Variants in GTF2F2 observed in about 807,000 individuals in gnomAD.
The protein encoded by GTF2F2 is ATP-dependent helicase GTF2F2.
A neutral mutation model predicts 42.2 loss-of-function variants in GTF2F2; 23 were observed. The observed-to-expected ratio is 0.55, with a 90% confidence interval of 0.39 to 0.77. The LOEUF is 0.77. Ranked by LOEUF, GTF2F2 falls within the 30% of genes least tolerant of loss-of-function variation. The probability of loss-of-function intolerance (pLI) is 0.00; values close to 1 mark genes in which losing one functional copy is unlikely to be tolerated. For synonymous variants in GTF2F2, 105 were observed against 100.8 expected, an observed-to-expected ratio of 1.04 and a Z score of -0.25; for missense variants, 261 against 287.2, an observed-to-expected ratio of 0.91 and a Z score of 0.66.
chr13:45,131,692 G>A (rs983930256), intron 1 of GTF2F2, among the ~76,000 whole-genome samples: 1 of 152,030 alleles, frequency 6.6e-6, no homozygotes, highest in African/African-American at 2.4e-5. Context: ...GATCCCTTGA[G>A]TCCAGAAGTT....
chr13:45,124,673 T>C, intron 1 of GTF2F2, among the ~76,000 whole-genome samples: 1 of 152,170 alleles, frequency 6.6e-6, no homozygotes, highest in Middle Eastern at 3.2e-3. Context: ...CAAGCTATTC[T>C]CCTGCCTCAG....
intron 4 of GTF2F2, among the ~76,000 whole-genome samples, chr13:45,161,149 TTAGTG>T (rs1053710540): frequency 1.1e-4 from 17 of 152,156 alleles, no homozygotes; most frequent in African/African-American, 4.1e-4. Flanking sequence ...ACCTAGCACT[TTAGTG>T]TAGTAGCAAA....
intron 5 of GTF2F2, chr13:45,219,736 A>C (rs1874033400): frequency 6.6e-6 from 1 of 152,170 alleles, no homozygotes; most frequent in Non-Finnish European, 1.5e-5. Flanking sequence ...TGTTTTGAAG[A>C]TCTGCTAATC....
In GTF2F2 at chr13:45,135,801, T is replaced by TA. The variant is rs148895030; in HGVS notation, c.67-931dup. On this transcript the variant is annotated intron_variant, in intron 1 of 7. Coordinates refer to ENST00000340473, the MANE Select transcript of GTF2F2 (RefSeq NM_004128.3). ...TGAAAAAATAATGACACTTGACACT[T>TA]ACTGAGTAATTGCTTTGTGTAAGGT... Among the ~76,000 whole-genome samples, 208 of 152,338 alleles carry TA rather than the reference T, an allele frequency of 1.4e-3. 1 individual carries two copies. The highest frequency in any genetic ancestry group is 4.6e-3 in the African/African-American group (192 of 41,578).
intron 5 of GTF2F2, chr13:45,221,031 T>C (rs1874091044): frequency 6.6e-6 from 1 of 152,170 alleles, no homozygotes; most frequent in Admixed American, 6.6e-5. Context: ...TAGACCCCTC[T>C]AGACCTCTCT....
chr13:45,199,395 T>C (rs1233033784), intron 4 of GTF2F2, among the ~76,000 whole-genome samples: 3 of 152,258 alleles, frequency 2.0e-5, no homozygotes, highest in African/African-American at 7.2e-5. Flanking sequence ...AGAGGCAATC[T>C]TGACAATTTA....
At chr13:45,123,754 G>T (rs1868812938) in intron 1 of GTF2F2, among the ~76,000 whole-genome samples, 1 of 150,518 alleles carries the variant, frequency 6.6e-6, no homozygotes, top group African/African-American at 2.4e-5. Context: ...GACCTGTACT[G>T]TTCTGGCCTA....
At chr13:45,145,871 T>A (rs1432888742) in intron 2 of GTF2F2, among the ~76,000 whole-genome samples, 4 of 152,202 alleles carry the variant, frequency 2.6e-5, no homozygotes, top group Non-Finnish European at 5.9e-5. Context: ...ATTCCTGTTC[T>A]GAGGTTTCTC....
At chr13:45,229,612 G>A (rs1874565955) in intron 5 of GTF2F2, among the ~76,000 whole-genome samples, 1 of 151,930 alleles carries the variant, frequency 6.6e-6, no homozygotes, top group South Asian at 2.1e-4. Context: ...AATCCAGTGT[G>A]AAGAAAAAAG....
chr13:45,223,527 T>C (rs948207821), intron 5 of GTF2F2, among the ~76,000 whole-genome samples: 1 of 152,234 alleles, frequency 6.6e-6, no homozygotes, highest in Non-Finnish European at 1.5e-5. Flanking sequence ...GAATGCCATA[T>C]GGTGTTTTAT....
intron 3 of GTF2F2, among the ~76,000 whole-genome samples, chr13:45,151,219 A>G (rs1870475138): frequency 6.6e-6 from 1 of 152,106 alleles, no homozygotes. Flanking sequence ...GTAAGTGAGA[A>G]CATGTGGTAT....
rs145815817 is a variant in GTF2F2 at position 45,143,166 on chromosome 13, G to A, written c.140+6360G>A. ...GGCTGTTAAGAGAAGATGTAGGGCA[G>A]ACCAGGTAAACTGTACTCACAGATG... On this transcript the variant is annotated intron_variant, in intron 2 of 7. Coordinates refer to ENST00000340473, the MANE Select transcript of GTF2F2 (RefSeq NM_004128.3). 2.5e-3 allele frequency among the ~76,000 whole-genome samples: 375 copies of A among 152,294 alleles called. 2 individuals are homozygous for A. The highest frequency in any genetic ancestry group is 6.8e-3 in the Middle Eastern group (2 of 294).
intron 5 of GTF2F2, among the ~76,000 whole-genome samples, chr13:45,210,486 A>G (rs1191598962): frequency 6.6e-6 from 1 of 152,152 alleles, no homozygotes; most frequent in African/African-American, 2.4e-5. Context: ...CTGTACTTGT[A>G]TCTTCTTCAT....
chr13:45,246,190 T>C (rs1875600529), intron 5 of GTF2F2, among the ~76,000 whole-genome samples: 1 of 151,514 alleles, frequency 6.6e-6, no homozygotes, highest in Non-Finnish European at 1.5e-5. Flanking sequence ...TTGTATTTTT[T>C]TTAGTAGAGA....
chr13:45,199,473 A>G (rs1031948187), intron 4 of GTF2F2, among the ~76,000 whole-genome samples: 27 of 152,128 alleles, frequency 1.8e-4, no homozygotes, highest in African/African-American at 6.5e-4. Context: ...CCTGTGTTTT[A>G]TAATTTTGTA....
intron 6 of GTF2F2, among the ~76,000 whole-genome samples, chr13:45,258,172 CAT>C (rs1054073157): frequency 1.3e-5 from 2 of 151,918 alleles, no homozygotes; most frequent in Non-Finnish European, 2.9e-5. Context: ...TATGGCTTGT[CAT>C]GCCCTGTCTT....
chr13:45,165,061 GAT>G (rs1871212206), intron 4 of GTF2F2, among the ~76,000 whole-genome samples: 1 of 152,072 alleles, frequency 6.6e-6, no homozygotes, highest in Non-Finnish European at 1.5e-5. Flanking sequence ...TAAGCGGACA[GAT>G]ATAGGTAACC....
At chr13:45,152,638 C>T (rs1870554228) in intron 4 of GTF2F2, among the ~76,000 whole-genome samples, 1 of 152,158 alleles carries the variant, frequency 6.6e-6, no homozygotes, top group Non-Finnish European at 1.5e-5. Flanking sequence ...ACACTGGCTT[C>T]CAAGAAGTTT....
chr13:45,152,682 A>G (rs948019084), intron 4 of GTF2F2, among the ~76,000 whole-genome samples: 8 of 152,218 alleles, frequency 5.3e-5, no homozygotes, highest in Non-Finnish European at 1.0e-4. Context: ...TGTGTTTGCA[A>G]TGAGATATTT....
Sources: gnomAD v4.1 joint callset for allele counts (sites outside exome capture counted in the v4.1 genomes callset) on GRCh38, gnomAD v4.1.1 for gene constraint, MANE v1.5 for transcripts, NCBI Gene and HGNC (gene_info 2026-07-23, HGNC 2026-07-21) for gene names.